The following HS3ST5 variants were observed in gnomAD, a reference collection of about 807,000 sequenced individuals.
The protein encoded by HS3ST5 is heparan sulfate glucosamine 3-O-sulfotransferase 5.
A neutral mutation model predicts 25.4 loss-of-function variants in HS3ST5; 10 were observed. That is an observed-to-expected ratio of 0.39 (90% CI 0.24 to 0.67). The LOEUF (loss-of-function observed/expected upper bound fraction) is 0.67. HS3ST5 is among the 30% of genes least tolerant of loss of function. The pLI, the probability that HS3ST5 is intolerant of heterozygous loss-of-function variation, is 0.44. For synonymous variants in HS3ST5, 170 were observed against 162.4 expected, an observed-to-expected ratio of 1.05 and a Z score of -0.36; for missense variants, 324 against 420.7, an observed-to-expected ratio of 0.77 and a Z score of 2.01.
At chr6:114,250,693 A>C (rs1772619876) in intron 1 of HS3ST5, among the ~76,000 whole-genome samples, 1 of 152,242 alleles carries the variant, frequency 6.6e-6, no homozygotes, top group East Asian at 1.9e-4. Context: ...TCTTCTCTTG[A>C]ATAAAAGTTT....
chr6:114,257,122 G>A (rs1324985360), intron 1 of HS3ST5, among the ~76,000 whole-genome samples: 1 of 152,080 alleles, frequency 6.6e-6, no homozygotes, highest in East Asian at 1.9e-4. Flanking sequence ...TCTCCCACCG[G>A]GTCCCTCCCA....
chr6:114,167,931 A>T (rs1382920865), intron 3 of HS3ST5, among the ~76,000 whole-genome samples: 1 of 152,144 alleles, frequency 6.6e-6, no homozygotes, highest in Non-Finnish European at 1.5e-5. Flanking sequence ...CAGACCTAAA[A>T]CTATCAAAGA....
intron 1 of HS3ST5, among the ~76,000 whole-genome samples, chr6:114,269,403 C>T (rs1427128334): frequency 1.3e-5 from 2 of 152,152 alleles, no homozygotes; most frequent in African/African-American, 4.8e-5. Context: ...TAAAGGGAGA[C>T]AGATTCAGGT....
chr6:114,208,465 T>C (rs1781373821), intron 2 of HS3ST5, among the ~76,000 whole-genome samples: 1 of 152,172 alleles, frequency 6.6e-6, no homozygotes, highest in Admixed American at 6.5e-5. Context: ...AATGGTATCA[T>C]TTAATCTTCA....
chr6:114,328,669 C>T (rs1489102843), intron 1 of HS3ST5, among the ~76,000 whole-genome samples: 1 of 152,232 alleles, frequency 6.6e-6, no homozygotes, highest in Non-Finnish European at 1.5e-5. Flanking sequence ...ACTGGCAGTG[C>T]TAACGCTAAA....
At chr6:114,240,345 C>T (rs1772053839) in intron 1 of HS3ST5, among the ~76,000 whole-genome samples, 1 of 152,144 alleles carries the variant, frequency 6.6e-6, no homozygotes, top group Non-Finnish European at 1.5e-5. Context: ...TGTACTACTG[C>T]TTGACTCTTT....
At chr6:114,284,082 A>G (rs532940896) in intron 1 of HS3ST5, among the ~76,000 whole-genome samples, 7 of 151,978 alleles carry the variant, frequency 4.6e-5, no homozygotes, top group Non-Finnish European at 8.8e-5. Context: ...CATTAAGGAA[A>G]AAAGGAAATA....
At chr6:114,067,116 T>C (rs991348775) in intron 3 of HS3ST5, among the ~76,000 whole-genome samples, 1 of 152,022 alleles carries the variant, frequency 6.6e-6, no homozygotes, top group Non-Finnish European at 1.5e-5. Context: ...CTTTCCTATG[T>C]CTCCTCCTTC....
At chr6:114,256,260 C>T (rs567815036) in intron 1 of HS3ST5, among the ~76,000 whole-genome samples, 8 of 151,876 alleles carry the variant, frequency 5.3e-5, no homozygotes, top group Admixed American at 1.3e-4. Context: ...TGGTGGTGGG[C>T]GCCTGTAGTC....
At chr6:114,275,543 C>A (rs553391750) in intron 1 of HS3ST5, among the ~76,000 whole-genome samples, 2 of 152,082 alleles carry the variant, frequency 1.3e-5, no homozygotes, top group South Asian at 2.1e-4. Context: ...TGGCTCCCAA[C>A]TAAAACAAGG....
chr6:114,182,229 T>A (rs1780006550), intron 2 of HS3ST5, among the ~76,000 whole-genome samples: 1 of 152,170 alleles, frequency 6.6e-6, no homozygotes, highest in African/African-American at 2.4e-5. Context: ...AGATTGATCA[T>A]CCCTAAGCTG....
chr6:114,319,039 G>C (rs1775858617), intron 1 of HS3ST5, among the ~76,000 whole-genome samples: 1 of 151,956 alleles, frequency 6.6e-6, no homozygotes, highest in African/African-American at 2.4e-5. Context: ...AAAACAAACA[G>C]TGGATATATA....
At chr6:114,287,912 T>A (rs976220817) in intron 1 of HS3ST5, among the ~76,000 whole-genome samples, 1 of 152,094 alleles carries the variant, frequency 6.6e-6, no homozygotes, top group Non-Finnish European at 1.5e-5. Context: ...CAGCATCTTA[T>A]CTTCTACCAC....
At chr6:114,224,722 C>G (rs962355085) in intron 2 of HS3ST5, among the ~76,000 whole-genome samples, 1 of 123,268 alleles carries the variant, frequency 8.1e-6, no homozygotes, top group African/African-American at 2.8e-5. Flanking sequence ...ACACACACAC[C>G]GACTTCTTTC....
At chr6:114,288,591 G>A (rs759289564) in intron 1 of HS3ST5, among the ~76,000 whole-genome samples, 1 of 151,960 alleles carries the variant, frequency 6.6e-6, no homozygotes. Flanking sequence ...CTGTGCATAG[G>A]CAGCAGACAG....
At chr6:114,064,154 G>C (rs145427988) in intron 3 of HS3ST5, among the ~76,000 whole-genome samples, 4 of 152,284 alleles carry the variant, frequency 2.6e-5, no homozygotes, top group African/African-American at 9.6e-5. Flanking sequence ...ATGAGTCATG[G>C]TTAGAAATTG....
chr6:114,141,858 T>G (rs975647488), intron 3 of HS3ST5, among the ~76,000 whole-genome samples: 3 of 141,266 alleles, frequency 2.1e-5, no homozygotes, highest in African/African-American at 7.9e-5. Context: ...AGATGATAGT[T>G]TGTGTGTGTG....
chr6:114,195,055 C>T (rs755399745), intron 2 of HS3ST5, among the ~76,000 whole-genome samples: 36 of 152,306 alleles, frequency 2.4e-4, no homozygotes, highest in Middle Eastern at 3.4e-3. Context: ...AGAAAGTGGG[C>T]AGGACACATA....
intron 2 of HS3ST5, among the ~76,000 whole-genome samples, chr6:114,192,243 T>C (rs1297951707): frequency 1.3e-5 from 2 of 152,210 alleles, no homozygotes; most frequent in African/African-American, 2.4e-5. Context: ...TGAGATTTAA[T>C]GTATGCATAT....
Sources: gnomAD v4.1 joint callset for allele counts (sites outside exome capture counted in the v4.1 genomes callset) on GRCh38, gnomAD v4.1.1 for gene constraint, MANE v1.5 for transcripts, NCBI Gene and HGNC (gene_info 2026-07-23, HGNC 2026-07-21) for gene names.